The following CSMD1 variants were observed in gnomAD, a reference collection of about 807,000 sequenced individuals.
The protein encoded by CSMD1 is CUB and Sushi multiple domains 1.
In CSMD1, 213 loss-of-function variants were observed where a neutral mutation model predicts 417.5. The ratio of observed to expected loss-of-function variants is 0.51; its 90% confidence interval spans 0.46 to 0.57. The LOEUF (loss-of-function observed/expected upper bound fraction) is 0.57. Among genes scored for constraint, CSMD1 ranks in the 20% least tolerant of loss-of-function variants. The probability of loss-of-function intolerance (pLI) is 0.00; values close to 1 mark genes in which losing one functional copy is unlikely to be tolerated. For synonymous variants in CSMD1, 2,862 were observed against 1,736.8 expected (o/e 1.65, Z -16.11); for missense variants, 6,923 against 4,529.7 (o/e 1.53, Z -15.17).
intron 1 of CSMD1, among the ~76,000 whole-genome samples, chr8:4,646,782 G>T (rs1050905538): frequency 6.6e-6 from 1 of 152,122 alleles, no homozygotes. Flanking sequence ...ATACCTGAAG[G>T]TTGAAGCTAA....
At chr8:4,931,527 C>T (rs563445763) in intron 1 of CSMD1, among the ~76,000 whole-genome samples, 2 of 152,214 alleles carry the variant, frequency 1.3e-5, no homozygotes, top group East Asian at 1.9e-4. Context: ...CCATCCAACG[C>T]AAGGTGACTG....
intron 8 of CSMD1, among the ~76,000 whole-genome samples, chr8:3,591,029 G>T (rs1421481866): frequency 6.6e-6 from 1 of 152,150 alleles, no homozygotes; most frequent in African/African-American, 2.4e-5. Context: ...GAAAATTCCA[G>T]GAGAAAAAAG....
chr8:3,938,477 G>C (rs1169012816), intron 5 of CSMD1, among the ~76,000 whole-genome samples: 1 of 152,182 alleles, frequency 6.6e-6, no homozygotes, highest in Non-Finnish European at 1.5e-5. Flanking sequence ...TAAGTAAATT[G>C]AGTACAGAGG....
chr8:4,239,009 G>A (rs1802231948), intron 3 of CSMD1, among the ~76,000 whole-genome samples: 1 of 152,138 alleles, frequency 6.6e-6, no homozygotes. Flanking sequence ...ATGGCTACAG[G>A]ATTAGGTTCG....
At chr8:4,186,002 A>T (rs990413847) in intron 3 of CSMD1, among the ~76,000 whole-genome samples, 2 of 152,194 alleles carry the variant, frequency 1.3e-5, no homozygotes, top group Non-Finnish European at 2.9e-5. Flanking sequence ...ATGTTTTGTT[A>T]TGATCTGATA....
intron 2 of CSMD1, among the ~76,000 whole-genome samples, chr8:4,446,843 G>C (rs1040580464): frequency 1.3e-5 from 2 of 150,070 alleles, no homozygotes; most frequent in African/African-American, 2.4e-5. Flanking sequence ...GACTGGTCTT[G>C]AACTCCTGAC....
chr8:3,520,168 GA>G (rs555350111), intron 10 of CSMD1, among the ~76,000 whole-genome samples: 1 of 151,906 alleles, frequency 6.6e-6, no homozygotes, highest in Non-Finnish European at 1.5e-5. Flanking sequence ...CCAGAACCGA[GA>G]AGAAGAGAAT....
chr8:3,682,177 CA>C (rs1799699703), intron 7 of CSMD1, among the ~76,000 whole-genome samples: 1 of 152,110 alleles, frequency 6.6e-6, no homozygotes, highest in Non-Finnish European at 1.5e-5. Flanking sequence ...CAACAAAAGC[CA>C]AAATTGACAA....
chr8:4,174,971 C>G (rs1384868748), intron 3 of CSMD1, among the ~76,000 whole-genome samples: 5 of 151,202 alleles, frequency 3.3e-5, no homozygotes, highest in African/African-American at 7.3e-5. Context: ...GTATTGATGG[C>G]TCTTTGAGAT....
In CSMD1 at chr8:3,657,491, T is replaced by C. The variant is rs984568901; in HGVS notation, c.1010-40694A>G. Among the ~76,000 whole-genome samples, 22 of 152,282 alleles carry C rather than the reference T, an allele frequency of 1.4e-4. 1 individual carries two copies. The highest frequency in any genetic ancestry group is 1.5e-5 in the Non-Finnish European group (1 of 68,032). On this transcript the variant is annotated intron_variant, in intron 7 of 69. Transcript: ENST00000635120. ...CTGGATAAAGAAAATGTGTCACATA[T>C]ACACGATGGAATACTATGCAGCCAT...
At chr8:3,951,110 T>C (rs1467715980) in intron 5 of CSMD1, among the ~76,000 whole-genome samples, 2 of 152,232 alleles carry the variant, frequency 1.3e-5, no homozygotes, top group African/African-American at 4.8e-5. Flanking sequence ...AGAATATATC[T>C]ACATTTATAG....
chr8:3,437,527 A>T (rs1814646770), intron 12 of CSMD1, among the ~76,000 whole-genome samples: 1 of 152,214 alleles, frequency 6.6e-6, no homozygotes, highest in Non-Finnish European at 1.5e-5. Context: ...GCTCAAAGAA[A>T]CTTCAACAGA....
intron 18 of CSMD1, 136 bp downstream of exon 18, chr8:3,387,358 T>A (rs1811068530): frequency 1.6e-6 from 1 of 636,130 alleles, no homozygotes; most frequent in Non-Finnish European, 2.7e-6. Flanking sequence ...ACGATGATGG[T>A]ATACAACTTC....
chr8:4,343,835 T>C (rs1314814763), intron 3 of CSMD1, among the ~76,000 whole-genome samples: 1 of 152,106 alleles, frequency 6.6e-6, no homozygotes, highest in East Asian at 1.9e-4. Flanking sequence ...CCACTTCAAT[T>C]TGTTTTTCTC....
intron 50 of CSMD1, among the ~76,000 whole-genome samples, chr8:3,047,200 T>G (rs181992509): frequency 6.8e-5 from 7 of 102,204 alleles, no homozygotes; most frequent in Non-Finnish European, 1.1e-4. Context: ...GGCAACAGTA[T>G]AAGACTCCCT....
At chr8:4,936,317 C>A (rs115671285) in intron 1 of CSMD1, among the ~76,000 whole-genome samples, 1 of 152,072 alleles carries the variant, frequency 6.6e-6, no homozygotes, top group African/African-American at 2.4e-5. Context: ...TGTGAATAAA[C>A]AAACAGGGAC....
At chr8:4,785,001 G>C (rs1371493663) in intron 1 of CSMD1, among the ~76,000 whole-genome samples, 4 of 152,186 alleles carry the variant, frequency 2.6e-5, no homozygotes, top group Non-Finnish European at 5.9e-5. Flanking sequence ...AGTTTTAACT[G>C]ATATCAGAAA....
At chr8:4,115,311 T>G (rs1440297879) in intron 3 of CSMD1, among the ~76,000 whole-genome samples, 1 of 152,204 alleles carries the variant, frequency 6.6e-6, no homozygotes, top group Non-Finnish European at 1.5e-5. Flanking sequence ...CAAAATATTT[T>G]AAAATTAAGG....
chr8:2,987,358 T>C (rs1008674819), intron 54 of CSMD1, among the ~76,000 whole-genome samples: 5 of 149,600 alleles, frequency 3.3e-5, no homozygotes, highest in Non-Finnish European at 3.0e-5. Context: ...GTATACATCA[T>C]ATATATAAAT....
Sources: gnomAD v4.1 joint callset for allele counts (sites outside exome capture counted in the v4.1 genomes callset) on GRCh38, gnomAD v4.1.1 for gene constraint, MANE v1.5 for transcripts, NCBI Gene and HGNC (gene_info 2026-07-23, HGNC 2026-07-21) for gene names.